The following ARHGAP24 variants were observed in gnomAD, a reference collection of about 807,000 sequenced individuals.
The protein encoded by ARHGAP24 is rho GTPase-activating protein 24.
A neutral mutation model predicts 76.4 loss-of-function variants in ARHGAP24; 50 were observed. That is an observed-to-expected ratio of 0.65 (90% CI 0.52 to 0.83). ARHGAP24 has a LOEUF of 0.83. Among genes scored for constraint, ARHGAP24 ranks in the 40% least tolerant of loss-of-function variants. The pLI, the probability that ARHGAP24 is intolerant of heterozygous loss-of-function variation, is 0.00. For missense variants in ARHGAP24, 930 were observed against 914.2 expected (o/e 1.02, Z -0.22); for synonymous variants, 345 against 323.3 (o/e 1.07, Z -0.72).
At chr4:85,849,985 C>G (rs1731127014) in intron 3 of ARHGAP24, among the ~76,000 whole-genome samples, 1 of 152,068 alleles carries the variant, frequency 6.6e-6, no homozygotes, top group Non-Finnish European at 1.5e-5. Flanking sequence ...GGAGGATTCT[C>G]TCTTTTTCTG....
chr4:85,802,131 G>A (rs756170289), intron 3 of ARHGAP24, among the ~76,000 whole-genome samples: 3 of 152,122 alleles, frequency 2.0e-5, no homozygotes, highest in Non-Finnish European at 2.9e-5. Context: ...CATGGATAAT[G>A]TTTGGATAAG....
intron 3 of ARHGAP24, among the ~76,000 whole-genome samples, chr4:85,771,327 T>C (rs2110078856): frequency 6.6e-6 from 1 of 152,324 alleles, no homozygotes; most frequent in South Asian, 2.1e-4. Context: ...TAAATCCCAG[T>C]CTGAGTCTGA....
intron 3 of ARHGAP24, among the ~76,000 whole-genome samples, chr4:85,824,171 A>G (rs1275152607): frequency 6.6e-6 from 1 of 152,204 alleles, no homozygotes; most frequent in Non-Finnish European, 1.5e-5. Context: ...AAACATCTAC[A>G]TAAGATGGTT....
chr4:85,785,571 A>G (rs1263098757), intron 3 of ARHGAP24, among the ~76,000 whole-genome samples: 1 of 152,112 alleles, frequency 6.6e-6, no homozygotes, highest in Admixed American at 6.6e-5. Context: ...TACAAACTAC[A>G]TAACGCAAAT....
chr4:85,659,718 C>G (rs1318164997), intron 2 of ARHGAP24, among the ~76,000 whole-genome samples: 1 of 152,112 alleles, frequency 6.6e-6, no homozygotes, highest in African/African-American at 2.4e-5. Flanking sequence ...GTTCTTTCAT[C>G]TCCTCAGTCT....
chr4:85,575,805 C>G (rs1236899788), intron 2 of ARHGAP24, among the ~76,000 whole-genome samples: 1 of 152,140 alleles, frequency 6.6e-6, no homozygotes, highest in African/African-American at 2.4e-5. Context: ...TAAATAAAAG[C>G]TAAGTCTCAA....
chr4:85,759,149 C>T (rs1237469989), intron 3 of ARHGAP24, among the ~76,000 whole-genome samples: 3 of 152,136 alleles, frequency 2.0e-5, no homozygotes, highest in African/African-American at 7.2e-5. Context: ...ATATTAATCT[C>T]AATTTTAGTT....
Position 85,995,303 on chromosome 4 carries a change from T to C in ARHGAP24, c.1649T>C (p.Ile550Thr). 2 of 1,614,010 alleles carry C rather than the reference T, an allele frequency of 1.2e-6. No homozygotes were observed. Among genetic ancestry groups the C allele is most frequent in the Non-Finnish European group, 8.5e-7 (1 of 1,180,004 alleles). Residue 550 changes from isoleucine (I) to threonine (T), a missense_variant, in exon 9 of 10, where the codon ATT becomes ACT. By Grantham distance (89) the Ile-to-Thr change is moderately conservative. Coordinates refer to ENST00000395184, the MANE Select transcript of ARHGAP24 (RefSeq NM_001025616.3). Reference protein sequence around the residue: ...SMMNLDDKQSIDSATWSTSSC... With the variant: ...SMMNLDDKQSTDSATWSTSSC... ...ATGAACCTTGATGACAAGCAGAGCA[T>C]TGACAGTGCTACCTGGTCCACTTCC...
At chr4:85,789,002 G>C (rs994375167) in intron 3 of ARHGAP24, among the ~76,000 whole-genome samples, 1 of 152,092 alleles carries the variant, frequency 6.6e-6, no homozygotes, top group Admixed American at 6.5e-5. Flanking sequence ...CTAGAGTGAT[G>C]AGAGTGTCTT....
chr4:85,496,918 C>CA (rs921867349), intron 1 of ARHGAP24, among the ~76,000 whole-genome samples: 28 of 151,276 alleles, frequency 1.9e-4, no homozygotes, highest in African/African-American at 5.8e-4. Context: ...AGGAATGAAC[C>CA]AAAAAAAAGT....
In ARHGAP24 at chr4:85,867,885, ATG is replaced by A. The variant is rs1399369232; in HGVS notation, c.269-55753_269-55752del. Among the ~76,000 whole-genome samples the A allele has an allele frequency of 1.7e-4, 17 of 97,638 alleles. No individual in the cohort carries two copies. The Admixed American group carries it at 1.9e-3, about 11-fold the overall frequency. The allele number at this position is 97,638 out of a possible 152,430, so 64.1% of individuals were successfully genotyped here. A position where few individuals can be genotyped will look rare whatever the true frequency, so the allele number is the denominator to read the frequency against. On this transcript the variant is annotated intron_variant, in intron 3 of 9. Coordinates refer to ENST00000395184, the MANE Select transcript of ARHGAP24 (RefSeq NM_001025616.3). ...TAACATATATATATAAACATATATA[ATG>A]TGTGTGTGTACATATATATATACAT...
intron 3 of ARHGAP24, among the ~76,000 whole-genome samples, chr4:85,772,168 G>A (rs1021538442): frequency 4.6e-5 from 7 of 152,140 alleles, no homozygotes; most frequent in East Asian, 3.9e-4. Context: ...TCTAAAGCCC[G>A]TGACCTCGTT....
intron 5 of ARHGAP24, among the ~76,000 whole-genome samples, chr4:85,957,902 T>TA (rs150246640): frequency 0.044 from 6,753 of 152,320 alleles, 524 homozygotes; most frequent in African/African-American, 0.15. Context: ...GTGATATATC[T>TA]AAAAAGCCCA....
At chr4:85,916,662 A>G (rs909912280) in intron 3 of ARHGAP24, among the ~76,000 whole-genome samples, 1 of 152,202 alleles carries the variant, frequency 6.6e-6, no homozygotes. Context: ...ACTGATTTGC[A>G]GTTGGGAATG....
At chr4:85,906,981 A>G (rs1734803715) in intron 3 of ARHGAP24, among the ~76,000 whole-genome samples, 2 of 152,212 alleles carry the variant, frequency 1.3e-5, no homozygotes, top group Admixed American at 1.3e-4. Context: ...AGACATTGGT[A>G]AAAATGGAGA....
intron 1 of ARHGAP24, among the ~76,000 whole-genome samples, chr4:85,499,306 T>A (rs1487223429): frequency 2.6e-5 from 4 of 152,232 alleles, no homozygotes; most frequent in African/African-American, 9.6e-5. Flanking sequence ...ATTTCAAGCC[T>A]CTAGTTTTAT....
chr4:85,839,748 A>G (rs757092289), intron 3 of ARHGAP24, among the ~76,000 whole-genome samples: 5 of 151,698 alleles, frequency 3.3e-5, no homozygotes, highest in Non-Finnish European at 5.9e-5. Context: ...TTTTTTAAGA[A>G]TAAAATAATT....
rs189696276 is a variant in ARHGAP24, at chr4:85,850,887, A to G, written c.269-72761A>G. ...CTTCAAACTATGTGGTCAATTTTGG[A>G]AGAAGTGCAATGTGATGCTGAGAAG... On this transcript the variant is annotated intron_variant, in intron 3 of 9. Transcript: ENST00000395184. 3.7e-3 allele frequency among the ~76,000 whole-genome samples: 561 copies of G among 152,264 alleles called. 2 individuals are homozygous for G. The highest frequency in any genetic ancestry group is 0.013 in the African/African-American group (525 of 41,544).
chr4:85,669,951 G>A (rs1282406510), intron 2 of ARHGAP24, among the ~76,000 whole-genome samples: 1 of 151,930 alleles, frequency 6.6e-6, no homozygotes, highest in African/African-American at 2.4e-5. Flanking sequence ...TGGGGCTTTA[G>A]TGCAGGTCCC....
Sources: allele counts gnomAD v4.1 joint callset (sites outside exome capture counted in the v4.1 genomes callset), GRCh38; gene constraint gnomAD v4.1.1; transcripts MANE v1.5; gene names NCBI Gene and HGNC (gene_info 2026-07-23, HGNC 2026-07-21).